TBCD: variants seen among roughly 807,000 people sequenced by gnomAD.
The protein encoded by TBCD is tubulin-specific chaperone D.
In TBCD, 105 loss-of-function variants were observed where a neutral mutation model predicts 169.3. The ratio of observed to expected loss-of-function variants is 0.62; its 90% CI spans 0.53 to 0.73. The LOEUF is 0.73. Ranked by LOEUF, TBCD falls within the 30% of genes least tolerant of loss-of-function variation. The probability of loss-of-function intolerance (pLI) is 0.00; values close to 1 mark genes in which losing one functional copy is unlikely to be tolerated. For missense variants in TBCD, 1,444 were observed against 1,600.1 expected (o/e 0.90, Z 1.66); for synonymous variants, 700 against 643.9 (o/e 1.09, Z -1.32).
rs1352420056 is a variant in TBCD, at chr17:82,939,450, G to A, written c.3453G>A (p.Val1151=). The A allele has an allele frequency of 1.2e-6, 2 of 1,613,560 alleles. No individual in the cohort carries two copies. Among genetic ancestry groups the A allele is most frequent in the Non-Finnish European group, 1.7e-6 (2 of 1,179,820 alleles). Residue 1151 remains valine, a synonymous_variant, in exon 37 of 39, where the codon GTG becomes GTA. Coordinates refer to ENST00000355528, the MANE Select transcript of TBCD (RefSeq NM_005993.5). ...DVVGADVLDE[V]VTVLSDTAWD... ...TGGGCGCGGATGTGCTGGACGAGGT[G>A]GTGACTGTGCTCAGTGACACTGCGT...
At position 82,880,733 on chromosome 17, in the gene TBCD, C is replaced by T. The variant is rs1386282268; in HGVS notation, c.1476-3412C>T. On this transcript the variant is annotated intron_variant, in intron 14 of 38. Coordinates refer to ENST00000355528, the MANE Select transcript of TBCD (RefSeq NM_005993.5). The surrounding 1 kb of genome is among the most constrained non-coding windows in gnomAD (Gnocchi z 5.0). ...ACACAGTGACACCTGTCTGTCCGTC[C>T]GTCTGTCCACAGGAGCAGGAGGGGC... is the stretch of plus-strand genomic sequence containing the variant. Among the ~76,000 whole-genome samples, 3 of 152,140 alleles carry T rather than the reference C, an allele frequency of 2.0e-5. No homozygotes were observed. The highest frequency in any genetic ancestry group is 4.4e-5 in the Non-Finnish European group (3 of 68,032).
At chr17:82,867,319 G>A (rs761071533) in intron 13 of TBCD, among the ~76,000 whole-genome samples, 1 of 152,222 alleles carries the variant, frequency 6.6e-6, no homozygotes, top group Non-Finnish European at 1.5e-5. Context: ...GTTGGGAGTC[G>A]GTCTGTCCAG....
At chr17:82,790,137 G>T (rs748938266) in intron 7 of TBCD, among the ~76,000 whole-genome samples, 6 of 152,108 alleles carry the variant, frequency 3.9e-5, no homozygotes, top group Non-Finnish European at 8.8e-5. Context: ...CCGCTCTGCC[G>T]CCTGGTCCAG....
At chr17:82,755,468 T>A (rs2047353270) in intron 1 of TBCD, among the ~76,000 whole-genome samples, 1 of 152,236 alleles carries the variant, frequency 6.6e-6, no homozygotes, top group Admixed American at 6.5e-5. Context: ...ATATTTTGAT[T>A]TCTTTCAGGG....
chr17:82,788,514 CTTTTTA>C (rs1384463687), intron 7 of TBCD, among the ~76,000 whole-genome samples: 4 of 152,040 alleles, frequency 2.6e-5, no homozygotes, highest in East Asian at 3.9e-4. Context: ...AGTGCGGTTT[CTTTTTA>C]TTTTTATCAT....
At chr17:82,882,721 C>A (rs557246182) in intron 14 of TBCD, among the ~76,000 whole-genome samples, 3 of 151,562 alleles carry the variant, frequency 2.0e-5, no homozygotes, top group Admixed American at 2.0e-4. Context: ...CAACAGACAG[C>A]GTGAGACACA....
chr17:82,807,470 CTGTCATTAAAATTAATATTGT>C, intron 10 of TBCD, 117 bp from the exon 11 acceptor site: 1 of 485,412 alleles, frequency 2.1e-6, no homozygotes, highest in Non-Finnish European at 3.3e-6. Flanking sequence ...TGTTCTTTTC[CTGTCATTAAAATTAATATTGT>C]TAATGTAATT....
chr17:82,836,982 CGATATG>C (rs1213072207), intron 13 of TBCD, among the ~76,000 whole-genome samples: 1 of 152,068 alleles, frequency 6.6e-6, no homozygotes, highest in African/African-American at 2.4e-5. Context: ...GAATTGGTGT[CGATATG>C]GAGTCTCGGG....
In TBCD at chr17:82,944,955, A is replaced by G. The variant is rs1473151292; in HGVS notation, c.*2492A>G. Reference sequence around the variant, plus strand: ...ATCTATCTCCCCTGAAGTGGCCTGAATTAATACTACCTGTATGATCCCCAA... The same window carrying G: ...ATCTATCTCCCCTGAAGTGGCCTGAGTTAATACTACCTGTATGATCCCCAA... On this transcript the variant is annotated 3_prime_UTR_variant, in exon 39 of 39. Transcript: ENST00000355528. 6.6e-6 allele frequency: 1 copy of G among 152,240 alleles called. No individual in the cohort carries two copies. The highest frequency in any genetic ancestry group is 2.4e-5 in the African/African-American group (1 of 41,464). 9.4% of individuals were successfully genotyped at this position (152,240 alleles called of 1,614,324 possible). A position where few individuals can be genotyped will look rare whatever the true frequency, so the allele number is the denominator to read the frequency against.
rs372414592 is a variant in TBCD, at chr17:82,848,775, T to C, written c.1319-21449T>C. On this transcript the variant is annotated intron_variant, in intron 13 of 38. Coordinates refer to ENST00000355528, the MANE Select transcript of TBCD (RefSeq NM_005993.5). Reference sequence around the variant, plus strand: ...CTTGATCCCTTCTCATCCTCTCTCCTGTGTCTCCTGGAGGCTTCTGCACCT... The same window carrying C: ...CTTGATCCCTTCTCATCCTCTCTCCCGTGTCTCCTGGAGGCTTCTGCACCT... 1.2e-4 allele frequency among the ~76,000 whole-genome samples: 18 copies of C among 152,330 alleles called. No homozygotes were observed. In the East Asian group the frequency reaches 3.5e-3, roughly 29 times the overall value.
chr17:82,798,929 TTGCTGTGC>T (rs2050300364), intron 8 of TBCD, among the ~76,000 whole-genome samples: 1 of 151,882 alleles, frequency 6.6e-6, no homozygotes, highest in African/African-American at 2.4e-5. Context: ...CAGTGGGGTC[TTGCTGTGC>T]TGTCCAGGCT....
At chr17:82,812,358 G>A (rs2051509245) in intron 12 of TBCD, among the ~76,000 whole-genome samples, 1 of 152,182 alleles carries the variant, frequency 6.6e-6, no homozygotes, top group Admixed American at 6.5e-5. Context: ...CTCACCACGT[G>A]GGTTCCTTTC....
intron 13 of TBCD, among the ~76,000 whole-genome samples, chr17:82,840,965 T>TTTTTTTTG (rs1176831329): frequency 1.5e-5 from 2 of 134,988 alleles, no homozygotes; most frequent in African/African-American, 5.5e-5. Flanking sequence ...TTTTTTTTTT[T>TTTTTTTTG]TTTTTTTTTT....
At chr17:82,788,588 ACCAAGAAAG>A (rs2049476224) in intron 7 of TBCD, among the ~76,000 whole-genome samples, 1 of 152,126 alleles carries the variant, frequency 6.6e-6, no homozygotes, top group Admixed American at 6.5e-5. Flanking sequence ...AGCATTAAAA[ACCAAGAAAG>A]CCAAAGAACG....
At position 82,878,194 on chromosome 17, in the gene TBCD, T is replaced by C. The variant is rs548309529; in HGVS notation, c.1476-5951T>C. Among the ~76,000 whole-genome samples, 99 of 152,370 alleles carry C rather than the reference T, an allele frequency of 6.5e-4. 1 individual carries two copies. In the South Asian group the frequency reaches 0.02, roughly 31 times the overall value. On this transcript the variant is annotated intron_variant, in intron 14 of 38. Transcript: ENST00000355528. ...CCCCGCATGGCATCTGGTGGTCCTGTGCCCTCAGCCTCCTCTGCTCTGTGA... is the reference window on the plus strand; with the variant it reads ...CCCCGCATGGCATCTGGTGGTCCTGCGCCCTCAGCCTCCTCTGCTCTGTGA...
intron 13 of TBCD, among the ~76,000 whole-genome samples, chr17:82,849,370 C>T (rs2055454753): frequency 6.6e-6 from 1 of 152,254 alleles, no homozygotes; most frequent in Non-Finnish European, 1.5e-5. Flanking sequence ...ACTGTTTCTC[C>T]TCAGCTAAGT....
At chr17:82,878,664 G>C (rs1210247727) in intron 14 of TBCD, among the ~76,000 whole-genome samples, 2 of 152,196 alleles carry the variant, frequency 1.3e-5, no homozygotes, top group African/African-American at 4.8e-5. Flanking sequence ...TGAGGAGACT[G>C]TGTTTTCCTC....
At chr17:82,849,901 T>TTGTTGGCTGTTTTGC (rs1567886332) in intron 13 of TBCD, among the ~76,000 whole-genome samples, 30 of 147,678 alleles carry the variant, frequency 2.0e-4, no homozygotes, top group African/African-American at 5.8e-4. Flanking sequence ...GGCTGTGCTG[T>TTGTTGGCTGTTTTGC]TGTTGGCTGT....
chr17:82,917,827 G>A (rs1345485209), intron 23 of TBCD, among the ~76,000 whole-genome samples: 1 of 152,218 alleles, frequency 6.6e-6, no homozygotes, highest in Non-Finnish European at 1.5e-5. Context: ...GCACTGTTGG[G>A]GGTTTCTGGT....
Sources: allele counts gnomAD v4.1 joint callset (sites outside exome capture counted in the v4.1 genomes callset), GRCh38; gene constraint gnomAD v4.1.1; non-coding constraint Gnocchi (gnomAD v3.1); transcripts MANE v1.5; gene names NCBI Gene and HGNC (gene_info 2026-07-23, HGNC 2026-07-21).